MGAT4A: variants seen among roughly 807,000 people sequenced by gnomAD.
MGAT4A encodes the protein alpha-1,3-mannosyl-glycoprotein 4-beta-N-acetylglucosaminyltransferase A, also known as N-acetylglucosaminyltransferase IVa.
A neutral mutation model predicts 74.1 loss-of-function variants in MGAT4A; 33 were observed. That is an observed-to-expected ratio of 0.45 (90% CI 0.34 to 0.60). MGAT4A has a LOEUF of 0.60. Ranked by LOEUF, MGAT4A falls within the 20% of genes least tolerant of loss-of-function variation. MGAT4A has a pLI of 0.02. For missense variants in MGAT4A, 479 were observed against 628.3 expected (o/e 0.76, Z 2.54); for synonymous variants, 198 against 210.4 (o/e 0.94, Z 0.51).
At chr2:98,640,712 T>G (rs1701394243) in intron 10 of MGAT4A, among the ~76,000 whole-genome samples, 1 of 152,212 alleles carries the variant, frequency 6.6e-6, no homozygotes, top group Non-Finnish European at 1.5e-5. Flanking sequence ...CTAATAGATT[T>G]GCTACTTCCT....
At chr2:98,697,924 A>T (rs1472883316) in intron 2 of MGAT4A, among the ~76,000 whole-genome samples, 1 of 152,252 alleles carries the variant, frequency 6.6e-6, no homozygotes, top group African/African-American at 2.4e-5. Context: ...TGATGTACAC[A>T]CAAAAGTGAT....
chr2:98,727,054 T>C (rs1402770821), intron 1 of MGAT4A, among the ~76,000 whole-genome samples: 2 of 152,224 alleles, frequency 1.3e-5, no homozygotes, highest in African/African-American at 4.8e-5. Context: ...ATGCCACTTA[T>C]CTAGGTCTCA....
At chr2:98,708,883 T>C (rs1702476518) in intron 2 of MGAT4A, among the ~76,000 whole-genome samples, 1 of 152,208 alleles carries the variant, frequency 6.6e-6, no homozygotes, top group Admixed American at 6.5e-5. Flanking sequence ...GTAAAAAGTA[T>C]ACAAAGAAAT....
intron 4 of MGAT4A, among the ~76,000 whole-genome samples, chr2:98,673,515 T>C (rs1701938168): frequency 6.6e-6 from 1 of 152,196 alleles, no homozygotes; most frequent in Non-Finnish European, 1.5e-5. Context: ...TGGGTTATTT[T>C]TTCTACCAAG....
In MGAT4A at chr2:98,671,571, A is replaced by C. The variant is rs534874793; in HGVS notation, c.403+3464T>G. Among the ~76,000 whole-genome samples the C allele has an allele frequency of 2.6e-5, 4 of 151,396 alleles. No individual in the cohort carries two copies. The South Asian group carries it at 6.3e-4, about 24-fold the overall frequency. ...TCTTTCATTTTCTAGAACATTCCAC[A>C]CTCCCTTCCACCACAGGACTTTTGT... is the stretch of plus-strand genomic sequence containing the variant. On this transcript the variant is annotated intron_variant, in intron 4 of 15. Transcript: ENST00000393487.
intron 4 of MGAT4A, among the ~76,000 whole-genome samples, chr2:98,670,830 G>A (rs368256542): frequency 1.9e-4 from 29 of 151,968 alleles, no homozygotes; most frequent in Non-Finnish European, 3.1e-4. Flanking sequence ...CCATTTCTGC[G>A]TCTTCAACCA....
chr2:98,730,929 G>GCAGCCCGGGGCCGC (rs1452039464), intron 1 of MGAT4A, 119 bp downstream of exon 1: 1 of 146,656 alleles, frequency 6.8e-6, no homozygotes, highest in Non-Finnish European at 1.5e-5. Flanking sequence ...TGGATCTCCC[G>GCAGCCCGGGGCCGC]CAGCCCGGGG....
chr2:98,715,733 T>TA (rs1353287037), intron 2 of MGAT4A, among the ~76,000 whole-genome samples: 1 of 152,166 alleles, frequency 6.6e-6, no homozygotes, highest in African/African-American at 2.4e-5. Flanking sequence ...ACAAACCCCG[T>TA]AACACAAGTT....
chr2:98,684,603 G>A (rs111703066), intron 2 of MGAT4A, among the ~76,000 whole-genome samples: 3 of 152,114 alleles, frequency 2.0e-5, no homozygotes, highest in Non-Finnish European at 2.9e-5. Context: ...AGGCTAAACC[G>A]TATAAAATTG....
At chr2:98,666,965 G>A (rs962800224) in intron 4 of MGAT4A, among the ~76,000 whole-genome samples, 5 of 152,126 alleles carry the variant, frequency 3.3e-5, no homozygotes, top group Admixed American at 6.5e-5. Flanking sequence ...GAATTCCTAC[G>A]TGTGGTGGGA....
intron 9 of MGAT4A, 89 bp downstream of exon 9, chr2:98,645,339 G>T (rs1300506427): frequency 2.0e-5 from 19 of 953,200 alleles, no homozygotes; most frequent in South Asian, 3.9e-5. Flanking sequence ...AGGAAAAAAA[G>T]ACATCTTTAG....
intron 2 of MGAT4A, chr2:98,694,772 G>C (rs1702243897): frequency 6.6e-6 from 1 of 152,364 alleles, no homozygotes; most frequent in East Asian, 1.9e-4. Flanking sequence ...TGAGTGAGCT[G>C]AGATAGCACC....
chr2:98,644,403 T>G (rs1236313065), intron 9 of MGAT4A, among the ~76,000 whole-genome samples: 1 of 152,210 alleles, frequency 6.6e-6, no homozygotes, highest in African/African-American at 2.4e-5. Flanking sequence ...GTAAAAAATT[T>G]TATCTGAATC....
chr2:98,677,012 G>C (rs1269534314), intron 3 of MGAT4A, among the ~76,000 whole-genome samples: 1 of 152,202 alleles, frequency 6.6e-6, no homozygotes, highest in African/African-American at 2.4e-5. Flanking sequence ...ATCTGGAGAT[G>C]AGAGGAATTC....
intron 2 of MGAT4A, among the ~76,000 whole-genome samples, chr2:98,722,505 T>G (rs1177422187): frequency 6.6e-6 from 1 of 151,882 alleles, no homozygotes; most frequent in East Asian, 1.9e-4. Context: ...GACAGAAAAA[T>G]TAGTGGTTGC....
At chr2:98,699,011 T>C (rs930614468) in intron 2 of MGAT4A, among the ~76,000 whole-genome samples, 8 of 152,184 alleles carry the variant, frequency 5.3e-5, no homozygotes, top group African/African-American at 1.9e-4. Flanking sequence ...CCTAAGACTA[T>C]CCCCAGGTTC....
intron 2 of MGAT4A, among the ~76,000 whole-genome samples, chr2:98,693,415 G>A (rs961824295): frequency 6.6e-6 from 1 of 152,130 alleles, no homozygotes; most frequent in South Asian, 2.1e-4. Context: ...TCCTTTTCTC[G>A]AGTTTTCTAA....
intron 10 of MGAT4A, among the ~76,000 whole-genome samples, chr2:98,641,290 G>C (rs986718618): frequency 2.6e-5 from 4 of 152,102 alleles, no homozygotes; most frequent in African/African-American, 9.7e-5. Context: ...GGAGGCCAAG[G>C]TAGATGGATC....
intron 2 of MGAT4A, among the ~76,000 whole-genome samples, chr2:98,719,211 C>A (rs747883229): frequency 6.6e-6 from 1 of 152,118 alleles, no homozygotes; most frequent in African/African-American, 2.4e-5. Context: ...GAAACTATTT[C>A]TTCAAAGGAA....
Sources: allele counts gnomAD v4.1 joint callset (sites outside exome capture counted in the v4.1 genomes callset), GRCh38; gene constraint gnomAD v4.1.1; transcripts MANE v1.5; gene names NCBI Gene and HGNC (gene_info 2026-07-23, HGNC 2026-07-21).